Variants in HHIPL1 observed in about 807,000 individuals in gnomAD.
The protein encoded by HHIPL1 is HHIP like 1.
A neutral mutation model predicts 61.8 loss-of-function variants in HHIPL1; 43 were observed. The observed-to-expected ratio is 0.70, with a 90% CI of 0.55 to 0.90. The LOEUF is 0.90. Ranked by LOEUF, HHIPL1 falls within the 40% of genes least tolerant of loss-of-function variation. The pLI is 0.00. For missense variants in HHIPL1, 1,056 were observed against 1,157.7 expected, an observed-to-expected ratio of 0.91 and a Z score of 1.28; for synonymous variants, 482 against 515.8, an observed-to-expected ratio of 0.93 and a Z score of 0.89.
chr14:99,646,263 G>A (rs918041908), intron 1 of HHIPL1, among the ~76,000 whole-genome samples: 2 of 152,244 alleles, frequency 1.3e-5, no homozygotes. Flanking sequence ...AATGGAGCAG[G>A]ACGGGCAGCC....
intron 1 of HHIPL1, among the ~76,000 whole-genome samples, chr14:99,646,807 G>GATATA (rs1265328400): frequency 2.8e-4 from 16 of 56,454 alleles, no homozygotes; most frequent in African/African-American, 7.9e-4. Flanking sequence ...GATATGATAT[G>GATATA]ATATGATATG....
intron 7 of HHIPL1, chr14:99,669,198 G>C (rs1192933970): frequency 9.5e-5 from 118 of 1,246,388 alleles, no homozygotes; most frequent in Non-Finnish European, 1.2e-4. Flanking sequence ...TCACTCTGCA[G>C]AGGCCGCCCA....
chr14:99,659,245 T>C (rs913955651), intron 3 of HHIPL1, among the ~76,000 whole-genome samples, 183 bp from the exon 4 acceptor site: 1 of 152,178 alleles, frequency 6.6e-6, no homozygotes, highest in Non-Finnish European at 1.5e-5. Context: ...GTTGAGTGAA[T>C]GAATGGTTAC....
At chr14:99,614,646 C>T in the HHIPL1 span, among the ~76,000 whole-genome samples, 2 of 152,198 alleles carry the variant, frequency 1.3e-5, no homozygotes, top group African/African-American at 4.8e-5. Context: ...TCAGGCTGAG[C>T]TAGGAGACAC....
chr14:99,628,597 G>GAAAAA, the HHIPL1 span, among the ~76,000 whole-genome samples: 1 of 144,740 alleles, frequency 6.9e-6, no homozygotes, highest in Admixed American at 6.8e-5. Flanking sequence ...AAAAAAAAAA[G>GAAAAA]AAAAAAAGAA....
chr14:99,622,827 G>C, the HHIPL1 span, among the ~76,000 whole-genome samples: 1 of 152,222 alleles, frequency 6.6e-6, no homozygotes, highest in Non-Finnish European at 1.5e-5. Flanking sequence ...TCTGTAAAAT[G>C]GGATGGTCAC....
intron 7 of HHIPL1, among the ~76,000 whole-genome samples, chr14:99,670,992 C>T (rs1156912262): frequency 6.6e-6 from 1 of 152,112 alleles, no homozygotes; most frequent in Non-Finnish European, 1.5e-5. Flanking sequence ...GCTTGTTGTC[C>T]CCATGTCATA....
rs751128095 is a variant in HHIPL1, at chr14:99,675,961, C to T, written c.*335C>T. On this transcript the variant is annotated 3_prime_UTR_variant, in exon 9 of 9. Transcript: ENST00000330710. The surrounding 1 kb of genome is among the most constrained non-coding windows in gnomAD (Gnocchi z 5.4). ...AGGGAGGGCAGCCAGGCTTCGAGGA[C>T]GGACATGGCCCCTGGCTGTGCTAAC... is the stretch of plus-strand genomic sequence containing the variant. The T allele has an allele frequency of 1.7e-5, 5 of 299,062 alleles. No individual in the cohort carries two copies. The highest frequency in any genetic ancestry group is 3.1e-5 in the Non-Finnish European group (5 of 161,604). The allele number at this position is 299,062 out of a possible 1,614,324, so 18.5% of individuals were successfully genotyped here. A position where few individuals can be genotyped will look rare whatever the true frequency, so the allele number is the denominator to read the frequency against.
Position 99,659,730 on chromosome 14 carries a change from G to T in HHIPL1, c.1349G>T (p.Arg450Leu). 6.9e-7 allele frequency: 1 copy of T among 1,450,558 alleles called. No individual in the cohort carries two copies. The highest frequency in any genetic ancestry group is 1.5e-5 in the South Asian group (1 of 68,554). 89.9% of individuals were successfully genotyped at this position (1,450,558 alleles called of 1,614,324 possible). A position where few individuals can be genotyped will look rare whatever the true frequency, so the allele number is the denominator to read the frequency against. Residue 450 changes from arginine (R) to leucine (L), a missense_variant, in exon 4 of 9, where the codon CGC becomes CTC. Physicochemically the swap from Arg to Leu is moderately radical, Grantham distance 102. Transcript: ENST00000330710. Reference protein sequence around the residue: ...RAREGFECYDRSLCANTSLND... With the variant: ...RAREGFECYDLSLCANTSLND... Reference sequence around the variant, plus strand: ...CGCGAAGGGTTCGAGTGCTACGACCGCAGCCTGTGCGCCAACACCTCTCTC... The same window carrying T: ...CGCGAAGGGTTCGAGTGCTACGACCTCAGCCTGTGCGCCAACACCTCTCTC...
At chr14:99,644,804 G>A (rs1472566935), upstream of HHIPL1, among the ~76,000 whole-genome samples, 2 of 152,176 alleles carry the variant, frequency 1.3e-5, no homozygotes, top group Non-Finnish European at 2.9e-5. Context: ...TTCGGGGACG[G>A]GCTGCGGGCA....
the HHIPL1 span, among the ~76,000 whole-genome samples, chr14:99,607,777 T>G: frequency 4.9e-3 from 23 of 4,702 alleles, no homozygotes; most frequent in African/African-American, 5.3e-3. Context: ...AGATTGAGTC[T>G]GAGGCTTCAT....
At chr14:99,670,718 C>T (rs1243405213) in intron 7 of HHIPL1, among the ~76,000 whole-genome samples, 2 of 152,174 alleles carry the variant, frequency 1.3e-5, no homozygotes, top group Non-Finnish European at 1.5e-5. Flanking sequence ...TTGGATCACA[C>T]GCAGACTTGG....
chr14:99,642,587 G>T (rs1175743690), upstream of HHIPL1, among the ~76,000 whole-genome samples: 1 of 150,394 alleles, frequency 6.6e-6, no homozygotes, highest in African/African-American at 2.5e-5. Context: ...GTGCAGTGGC[G>T]CAATCTTAGC....
At chr14:99,658,760 C>A (rs1392345881) in intron 3 of HHIPL1, among the ~76,000 whole-genome samples, 3 of 152,038 alleles carry the variant, frequency 2.0e-5, no homozygotes, top group African/African-American at 4.8e-5. Context: ...CTCTCTCCCC[C>A]TCTCCCCACC....
chr14:99,634,307 T>C, the HHIPL1 span, among the ~76,000 whole-genome samples: 1 of 152,184 alleles, frequency 6.6e-6, no homozygotes, highest in East Asian at 1.9e-4. Flanking sequence ...CTTTCCATTA[T>C]ATTTTCCATT....
chr14:99,614,042 G>A, the HHIPL1 span, among the ~76,000 whole-genome samples: 2 of 152,328 alleles, frequency 1.3e-5, no homozygotes, highest in South Asian at 4.1e-4. Context: ...TAAAATCTGT[G>A]TCTCTGGCCT....
chr14:99,665,172 A>G (rs939770950), intron 6 of HHIPL1, among the ~76,000 whole-genome samples: 1 of 152,096 alleles, frequency 6.6e-6, no homozygotes, highest in African/African-American at 2.4e-5. Flanking sequence ...GGTGACCCCA[A>G]AGTGCTGAGA....
the HHIPL1 span, among the ~76,000 whole-genome samples, chr14:99,621,053 C>T: frequency 3.9e-5 from 6 of 152,202 alleles, no homozygotes; most frequent in African/African-American, 1.4e-4. Flanking sequence ...CTGTGAGCAC[C>T]CACCCTAGGT....
At chr14:99,637,133 A>G in the HHIPL1 span, among the ~76,000 whole-genome samples, 1 of 150,514 alleles carries the variant, frequency 6.6e-6, no homozygotes, top group African/African-American at 2.4e-5. Context: ...AGAAAGAGAG[A>G]GAGAGAAAGG....
Sources: gnomAD v4.1 joint callset for allele counts (sites outside exome capture counted in the v4.1 genomes callset) on GRCh38, gnomAD v4.1.1 for gene constraint, Gnocchi (gnomAD v3.1) non-coding constraint, MANE v1.5 for transcripts, NCBI Gene and HGNC (gene_info 2026-07-23, HGNC 2026-07-21) for gene names.